MTUS2: variants seen among roughly 807,000 people sequenced by gnomAD.
MTUS2 encodes microtubule associated scaffold protein 2.
MTUS2 carries 40 observed loss-of-function variants against 114.1 expected under a neutral mutation model. The observed-to-expected ratio is 0.35, with a 90% CI of 0.27 to 0.46. The LOEUF is 0.46. MTUS2 is among the 20% of genes least tolerant of loss of function. The pLI is 1.00. For synonymous variants in MTUS2, 688 were observed against 672.0 expected, an observed-to-expected ratio of 1.02 and a Z score of -0.37; for missense variants, 1,679 against 1,705.4, an observed-to-expected ratio of 0.98 and a Z score of 0.27.
At chr13:29,298,652 G>T (rs1899055206) in intron 6 of MTUS2, among the ~76,000 whole-genome samples, 1 of 152,096 alleles carries the variant, frequency 6.6e-6, no homozygotes, top group Non-Finnish European at 1.5e-5. Flanking sequence ...TCAGTCTTAG[G>T]AAAAAACAAA....
At chr13:29,109,709 G>C (rs1890808008) in intron 5 of MTUS2, among the ~76,000 whole-genome samples, 1 of 152,192 alleles carries the variant, frequency 6.6e-6, no homozygotes, top group African/African-American at 2.4e-5. Context: ...ACTTAGAAAG[G>C]AGATTTGCCC....
intron 7 of MTUS2, among the ~76,000 whole-genome samples, chr13:29,343,212 T>A (rs997186052): frequency 2.0e-5 from 3 of 152,036 alleles, no homozygotes; most frequent in African/African-American, 7.2e-5. Flanking sequence ...GTCTTTTGAA[T>A]TAGTGTCAAT....
chr13:29,340,523 C>G (rs1901339808), intron 7 of MTUS2, among the ~76,000 whole-genome samples: 1 of 151,864 alleles, frequency 6.6e-6, no homozygotes, highest in African/African-American at 2.4e-5. Context: ...ATGGAGTCAT[C>G]AGGTTTTGTT....
chr13:28,929,792 G>A (rs535267029), intron 2 of MTUS2, among the ~76,000 whole-genome samples: 1 of 152,190 alleles, frequency 6.6e-6, no homozygotes, highest in Non-Finnish European at 1.5e-5. Context: ...TGGTGGTCCT[G>A]GCAGTCACAG....
intron 9 of MTUS2, among the ~76,000 whole-genome samples, chr13:29,458,420 G>A (rs1020588508): frequency 3.3e-5 from 5 of 152,310 alleles, no homozygotes; most frequent in South Asian, 2.1e-4. Context: ...TCAGGGATTC[G>A]TAAGCTATAA....
intron 2 of MTUS2, among the ~76,000 whole-genome samples, chr13:29,016,328 G>A (rs551980066): frequency 2.6e-5 from 4 of 151,036 alleles, no homozygotes; most frequent in African/African-American, 9.7e-5. Context: ...TTATTTTCTG[G>A]GTGGAATTCT....
intron 9 of MTUS2, among the ~76,000 whole-genome samples, chr13:29,447,890 C>T (rs888540455): frequency 1.3e-5 from 2 of 151,970 alleles, no homozygotes; most frequent in African/African-American, 4.8e-5. Flanking sequence ...TAAAATATGA[C>T]CCTTGATTTT....
At chr13:29,189,869 C>T (rs910504122) in intron 5 of MTUS2, among the ~76,000 whole-genome samples, 16 of 152,072 alleles carry the variant, frequency 1.1e-4, no homozygotes, top group African/African-American at 3.9e-4. Flanking sequence ...AAGCATTAAC[C>T]CCCAATAGGA....
In MTUS2 at chr13:29,360,698, C is replaced by A. The variant is rs948236448; in HGVS notation, c.3117+1225C>A. Among the ~76,000 whole-genome samples, 6 of 138,038 alleles carry A rather than the reference C, an allele frequency of 4.3e-5. No homozygotes were observed. The South Asian group carries it at 1.1e-3, about 25-fold the overall frequency. The allele number at this position is 138,038 out of a possible 152,430, so 90.6% of individuals were successfully genotyped here. On this transcript the variant is annotated intron_variant, in intron 8 of 15. Coordinates refer to ENST00000612955, the MANE Select transcript of MTUS2 (RefSeq NM_001033602.4). The stretch of plus-strand genomic sequence containing the variant: ...ATAAAGTAGCCGAACACCCCCCCCC[C>A]CCCGTAAGAATTAAAGTTACAAACA...
At chr13:29,400,645 A>G (rs1247642866) in intron 8 of MTUS2, among the ~76,000 whole-genome samples, 4 of 152,210 alleles carry the variant, frequency 2.6e-5, no homozygotes, top group East Asian at 1.9e-4. Context: ...TATGTCAACA[A>G]TAACCAGGGT....
chr13:29,307,406 C>T (rs1899524547), intron 6 of MTUS2: 1 of 1,090,308 alleles, frequency 9.2e-7, no homozygotes. Context: ...ATCCCTGCCC[C>T]TAGTGACGCT....
At chr13:28,904,607 G>T (rs1243244466) in intron 2 of MTUS2, among the ~76,000 whole-genome samples, 10 of 151,928 alleles carry the variant, frequency 6.6e-5, no homozygotes, top group Non-Finnish European at 1.5e-4. Context: ...TGTTCCATTG[G>T]TCTATATCTC....
chr13:29,438,415 A>G (rs752035816), intron 8 of MTUS2, among the ~76,000 whole-genome samples: 71 of 152,266 alleles, frequency 4.7e-4, no homozygotes, highest in Non-Finnish European at 7.4e-4. Flanking sequence ...TATTTCTCAC[A>G]ATTCTGCAGT....
intron 6 of MTUS2, among the ~76,000 whole-genome samples, chr13:29,288,408 G>A (rs1898576581): frequency 6.6e-6 from 1 of 152,158 alleles, no homozygotes; most frequent in African/African-American, 2.4e-5. Flanking sequence ...GAAGCCATGA[G>A]CTCAGACTGT....
intron 11 of MTUS2, among the ~76,000 whole-genome samples, chr13:29,490,597 C>T (rs1881992126): frequency 6.6e-6 from 1 of 152,270 alleles, no homozygotes; most frequent in Non-Finnish European, 1.5e-5. Context: ...AGAATTGTTT[C>T]AAACCCTCCA....
At chr13:28,912,476 A>G (rs1880498163) in intron 2 of MTUS2, among the ~76,000 whole-genome samples, 1 of 152,142 alleles carries the variant, frequency 6.6e-6, no homozygotes, top group South Asian at 2.1e-4. Flanking sequence ...TTTGCTTAGG[A>G]TTGTCTTGAC....
chr13:29,436,787 C>T (rs1384090356), intron 8 of MTUS2, among the ~76,000 whole-genome samples: 2 of 150,428 alleles, frequency 1.3e-5, no homozygotes, highest in Admixed American at 1.3e-4. Context: ...GCCTCTCTCT[C>T]TCCCCATCCC....
At chr13:29,203,573 A>C (rs1335081685) in intron 5 of MTUS2, among the ~76,000 whole-genome samples, 6 of 151,896 alleles carry the variant, frequency 4.0e-5, no homozygotes, top group South Asian at 2.1e-4. Flanking sequence ...AAAAAAAAAA[A>C]AAAAAAACTC....
rs773018256 is a variant in MTUS2, at chr13:29,025,290, C to T, written c.592C>T (p.Leu198=). The part of the protein sequence containing the change: ...GSLTPQHPQP[L]SLDSREARGQ... ...CCTGACTCCGCAGCATCCACAGCCT[C>T]TATCCCTCGACTCCCGGGAAGCACG... The change falls in exon 3 of 16, where the codon CTA becomes TTA. Residue 198 remains leucine, a synonymous_variant. Coordinates refer to ENST00000612955, the MANE Select transcript of MTUS2 (RefSeq NM_001033602.4). The T allele has an allele frequency of 1.2e-6, 2 of 1,613,980 alleles. No homozygotes were observed. Among genetic ancestry groups the T allele is most frequent in the South Asian group, 2.2e-5 (2 of 91,080 alleles).
Sources: gnomAD v4.1 joint callset for allele counts (sites outside exome capture counted in the v4.1 genomes callset) on GRCh38, gnomAD v4.1.1 for gene constraint, MANE v1.5 for transcripts, NCBI Gene and HGNC (gene_info 2026-07-23, HGNC 2026-07-21) for gene names.